CALD1: variants seen among roughly 807,000 people sequenced by gnomAD.
CALD1 encodes the protein caldesmon.
Under a neutral mutation model 99.9 loss-of-function variants are expected in CALD1, and 33 were observed. The observed-to-expected ratio is 0.33, with a 90% CI of 0.25 to 0.44. The LOEUF is 0.44. CALD1 is among the 20% of genes least tolerant of loss of function. The probability of loss-of-function intolerance (pLI) is 1.00; values close to 1 mark genes in which losing one functional copy is unlikely to be tolerated. For synonymous variants in CALD1, 310 were observed against 325.0 expected (o/e 0.95, Z 0.50); for missense variants, 861 against 962.1 (o/e 0.89, Z 1.39).
intron 3 of CALD1, among the ~76,000 whole-genome samples, chr7:134,876,579 A>G (rs1357121502): frequency 6.6e-6 from 1 of 152,240 alleles, no homozygotes; most frequent in Non-Finnish European, 1.5e-5. Flanking sequence ...ATACCAGTTA[A>G]TAGTCAGGAA....
intron 1 of CALD1, among the ~76,000 whole-genome samples, chr7:134,786,261 GCTA>G (rs1350856728): frequency 6.6e-6 from 1 of 152,150 alleles, no homozygotes; most frequent in African/African-American, 2.4e-5. Context: ...CATCATATGT[GCTA>G]CTATTTTTCT....
rs536670625 is a variant in CALD1 at position 134,885,575 on chromosome 7, T to C, written c.71+17771T>C. Among the ~76,000 whole-genome samples, 15 of 152,364 alleles carry C rather than the reference T, an allele frequency of 9.8e-5. No individual in the cohort carries two copies. In the South Asian group the frequency reaches 3.1e-3, roughly 32 times the overall value. Reference sequence around the variant, plus strand: ...ACACCCACAAATAAATTTATGATTGTGGAAATATTTAGACACTTTGAACAA... The same window carrying C: ...ACACCCACAAATAAATTTATGATTGCGGAAATATTTAGACACTTTGAACAA... On this transcript the variant is annotated intron_variant, in intron 3 of 14. Coordinates refer to ENST00000361675, the MANE Select transcript of CALD1 (RefSeq NM_033138.4).
At chr7:134,932,935 G>GT in intron 4 of CALD1, 53 bp from the exon 5 acceptor site, 10 of 1,280,486 alleles carry the variant, frequency 7.8e-6, no homozygotes, top group Non-Finnish European at 1.1e-5. Flanking sequence ...TATGAATGCT[G>GT]CTGACTGATG....
chr7:134,850,939 TC>T (rs1800051064), intron 2 of CALD1, among the ~76,000 whole-genome samples: 1 of 152,148 alleles, frequency 6.6e-6, no homozygotes, highest in Non-Finnish European at 1.5e-5. Context: ...CCACACATGC[TC>T]TCTCTAGCCT....
intron 1 of CALD1, among the ~76,000 whole-genome samples, chr7:134,815,935 C>T (rs1043153907): frequency 5.3e-5 from 8 of 152,042 alleles, no homozygotes; most frequent in African/African-American, 1.9e-4. Context: ...AATATCAATT[C>T]CTTAAGAATC....
intron 1 of CALD1, among the ~76,000 whole-genome samples, chr7:134,770,420 C>T (rs757115811): frequency 6.6e-6 from 1 of 152,168 alleles, no homozygotes; most frequent in Non-Finnish European, 1.5e-5. Context: ...TCAACAGGGT[C>T]GTTGGCTTTT....
rs62462524 is a variant in CALD1 at position 134,800,770 on chromosome 7, T to C, written c.-130+21021T>C. On this transcript the variant is annotated intron_variant, in intron 1 of 14. Transcript: ENST00000361675. ...AACAGGGCAAACTTAATTTAAACAA[T>C]ATATTAGTCACATTTTAAAAATACT... Among the ~76,000 whole-genome samples, 299 of 152,122 alleles carry C rather than the reference T, an allele frequency of 2.0e-3. 2 individuals are homozygous for C. Among genetic ancestry groups the C allele is most frequent in the Middle Eastern group, 0.014 (4 of 282 alleles).
chr7:134,873,362 G>T (rs1188607647), intron 3 of CALD1, among the ~76,000 whole-genome samples: 3 of 152,034 alleles, frequency 2.0e-5, no homozygotes, highest in Non-Finnish European at 4.4e-5. Flanking sequence ...CACTTGATTT[G>T]TTTGTTTCTG....
At chr7:134,891,714 T>C (rs1802199714) in intron 3 of CALD1, 2 of 1,302,740 alleles carry the variant, frequency 1.5e-6, no homozygotes, top group Non-Finnish European at 2.1e-6. Flanking sequence ...TCCTTTCTTT[T>C]TTTTTTTTAT....
At chr7:134,867,205 G>A (rs1398106645) in intron 2 of CALD1, among the ~76,000 whole-genome samples, 1 of 152,148 alleles carries the variant, frequency 6.6e-6, no homozygotes, top group Non-Finnish European at 1.5e-5. Flanking sequence ...GCTTCTTTGA[G>A]AATATGCACA....
chr7:134,957,935 G>A (rs1031039974), intron 9 of CALD1, 134 bp from the exon 10 acceptor site: 27 of 670,236 alleles, frequency 4.0e-5, no homozygotes, highest in South Asian at 7.1e-5. Context: ...GCAGAGCTAC[G>A]CACAGTAACT....
At chr7:134,880,860 T>C (rs1475783486) in intron 3 of CALD1, among the ~76,000 whole-genome samples, 1 of 152,218 alleles carries the variant, frequency 6.6e-6, no homozygotes, top group East Asian at 1.9e-4. Context: ...ATATCCTGGC[T>C]ACCTAGGGAT....
the CALD1 span, among the ~76,000 whole-genome samples, chr7:134,711,692 GTGTGTGTGT>G: frequency 2.3e-4 from 24 of 102,844 alleles, no homozygotes; most frequent in South Asian, 9.3e-3. Flanking sequence ...GTGTGTGTGT[GTGTGTGTGT>G]GTGTGTGTGT....
intron 7 of CALD1, 149 bp from the exon 8 acceptor site, chr7:134,947,359 C>A: frequency 1.3e-6 from 1 of 752,140 alleles, no homozygotes; most frequent in Non-Finnish European, 2.1e-6. Flanking sequence ...TGATTCCGGG[C>A]AGACCCCTTC....
Position 134,933,598 on chromosome 7 carries a change from A to G in CALD1, c.829A>G (p.Arg277Gly). The G allele has an allele frequency of 1.2e-6, 2 of 1,613,252 alleles. No homozygotes were observed. The highest frequency in any genetic ancestry group is 1.7e-6 in the Non-Finnish European group (2 of 1,179,602). ...GAGGGCAAGGTTGGAAGCAGAAGAA[A>G]GAGAAAGAATTAAAGCCGAGCAAGA... is the stretch of plus-strand genomic sequence containing the variant. Reference protein sequence around the residue: ...AERARLEAEERERIKAEQDKK... With the variant: ...AERARLEAEEGERIKAEQDKK... Residue 277 changes from arginine to glycine, a missense_variant, in exon 5 of 15, where the codon AGA becomes GGA. Physicochemically the swap from Arg to Gly is moderately radical, Grantham distance 125. Coordinates refer to ENST00000361675, the MANE Select transcript of CALD1 (RefSeq NM_033138.4).
upstream of CALD1, among the ~76,000 whole-genome samples, chr7:134,774,648 G>T (rs1279670499): frequency 6.6e-6 from 1 of 152,188 alleles, no homozygotes; most frequent in African/African-American, 2.4e-5. Flanking sequence ...TGTCCTCAGA[G>T]GTTCCCAGGG....
intron 7 of CALD1, among the ~76,000 whole-genome samples, chr7:134,944,164 T>G (rs1288732328): frequency 1.3e-5 from 2 of 152,186 alleles, no homozygotes; most frequent in Non-Finnish European, 2.9e-5. Flanking sequence ...AAAGAGCCTT[T>G]GACAGCAAGG....
At chr7:134,782,768 G>T (rs977821891) in intron 1 of CALD1, among the ~76,000 whole-genome samples, 5 of 152,114 alleles carry the variant, frequency 3.3e-5, no homozygotes, top group African/African-American at 4.8e-5. Flanking sequence ...CATCTTGGCT[G>T]GTATCCTCCA....
chr7:134,722,466 G>A, the CALD1 span, among the ~76,000 whole-genome samples: 14 of 151,932 alleles, frequency 9.2e-5, no homozygotes, highest in Non-Finnish European at 2.1e-4. Context: ...TGTCGCCCAG[G>A]CTGGAGTGCA....
Sources: allele counts gnomAD v4.1 joint callset (sites outside exome capture counted in the v4.1 genomes callset), GRCh38; gene constraint gnomAD v4.1.1; transcripts MANE v1.5; gene names NCBI Gene and HGNC (gene_info 2026-07-23, HGNC 2026-07-21).